The following PCDHGB6 variants were observed in gnomAD, a reference collection of about 807,000 sequenced individuals.
The protein encoded by PCDHGB6 is protocadherin gamma-B6.
PCDHGB6 carries 51 observed loss-of-function variants against 59.1 expected under a neutral mutation model. The ratio of observed to expected loss-of-function variants is 0.86; its 90% CI spans 0.69 to 1.09. The LOEUF (loss-of-function observed/expected upper bound fraction) is 1.09. PCDHGB6 is among the 50% of genes least tolerant of loss of function. The pLI is 0.00. For missense variants in PCDHGB6, 1,148 were observed against 1,205.1 expected, an observed-to-expected ratio of 0.95 and a Z score of 0.70; for synonymous variants, 466 against 495.1, an observed-to-expected ratio of 0.94 and a Z score of 0.78.
At chr5:141,510,795 G>A in intron 3 of PCDHGB6, 152 bp from the exon 4 acceptor site, 6 of 1,465,214 alleles carry the variant, frequency 4.1e-6, no homozygotes, top group Non-Finnish European at 5.5e-6. Context: ...CTTGTGAAGA[G>A]AGACTACCTT....
chr5:141,421,476 C>A, intron 1 of PCDHGB6: 2 of 1,614,158 alleles, frequency 1.2e-6, no homozygotes, highest in Non-Finnish European at 1.7e-6. Context: ...CGCGAAGCGG[C>A]AGCTTGATCA....
intron 1 of PCDHGB6, chr5:141,416,848 G>A (rs2154546681): frequency 1.3e-5 from 2 of 152,166 alleles, no homozygotes; most frequent in East Asian, 3.9e-4. Flanking sequence ...ATAATTCCAT[G>A]ATTTTTTTCA....
At chr5:141,454,941 G>A (rs2098807517) in intron 1 of PCDHGB6, among the ~76,000 whole-genome samples, 1 of 150,970 alleles carries the variant, frequency 6.6e-6, no homozygotes, top group Non-Finnish European at 1.5e-5. Flanking sequence ...CCGAGTAGCT[G>A]GGACTACAGG....
At position 141,408,715 on chromosome 5, in the gene PCDHGB6, G is replaced by T; in HGVS notation, c.513G>T (p.Lys171Asn). 3 of 1,612,078 alleles carry T rather than the reference G, an allele frequency of 1.9e-6. No homozygotes were observed. Among genetic ancestry groups the T allele is most frequent in the Non-Finnish European group, 2.5e-6 (3 of 1,178,798 alleles). The change falls in exon 1 of 4, where the codon AAG (lysine) becomes AAT (asparagine). Residue 171 changes from lysine to asparagine, a missense_variant. Physicochemically the swap from Lys to Asn is moderately conservative, Grantham distance 94. Coordinates refer to ENST00000520790, the MANE Select transcript of PCDHGB6 (RefSeq NM_018926.3). ...ACATAAACTCAATTAAAGATTATAAGATAAACTCTAATCCTTATTTTTCAT... is the reference window on the plus strand; with the variant it reads ...ACATAAACTCAATTAAAGATTATAATATAAACTCTAATCCTTATTTTTCAT... Reference protein sequence around the residue: ...DININSIKDYKINSNPYFSLM... With the variant: ...DININSIKDYNINSNPYFSLM...
In PCDHGB6 at chr5:141,512,237, G is replaced by A. The variant is rs2099884134; in HGVS notation, c.*1064G>A. ...AGGACCAGGTCCCCTTGAGAGGTCA[G>A]AGGGGCCTCTGTGGGTGCTGGGTAC... On this transcript the variant is annotated 3_prime_UTR_variant, in exon 4 of 4. Transcript: ENST00000520790. 1 of 152,774 alleles carries A rather than the reference G, an allele frequency of 6.5e-6. No homozygotes were observed. The highest frequency in any genetic ancestry group is 1.5e-5 in the Non-Finnish European group (1 of 68,148). The allele number at this position is 152,774 out of a possible 1,614,324, so 9.5% of individuals were successfully genotyped here.
rs1030000451 is a variant in PCDHGB6, at chr5:141,432,417, T to G, written c.2418+21797T>G. 2.5e-6 allele frequency: 4 copies of G among 1,614,124 alleles called. No individual in the cohort carries two copies. In the African/African-American group the frequency reaches 5.3e-5, roughly 22 times the overall value. On this transcript the variant is annotated intron_variant, in intron 1 of 3. Coordinates refer to ENST00000520790, the MANE Select transcript of PCDHGB6 (RefSeq NM_018926.3). This position sits in a 1 kb window ranked among gnomAD's most constrained non-coding sequence, Gnocchi z 6.0. The stretch of plus-strand genomic sequence containing the variant: ...AACGTGTCGTTGAGCCTGTTCGTGC[T>G]GGACCAGAACGACAATGCGCCCGAG...
In PCDHGB6 at chr5:141,486,981, A is replaced by G. The variant is rs1457098151; in HGVS notation, c.2419-7826A>G. Reference sequence around the variant, plus strand: ...GCTGTGGACTTGGATTCAGGTTACAATGCTTGGGTTTCCTATCAGCTCCTG... The same window carrying G: ...GCTGTGGACTTGGATTCAGGTTACAGTGCTTGGGTTTCCTATCAGCTCCTG... On this transcript the variant is annotated intron_variant, in intron 1 of 3. Coordinates refer to ENST00000520790, the MANE Select transcript of PCDHGB6 (RefSeq NM_018926.3). The surrounding 1 kb of genome is among the most constrained non-coding windows in gnomAD (Gnocchi z 5.0). 17 of 1,614,038 alleles carry G rather than the reference A, an allele frequency of 1.1e-5. No individual in the cohort carries two copies. The highest frequency in any genetic ancestry group is 4.0e-5 in the African/African-American group (3 of 74,922).
Position 141,485,369 on chromosome 5 carries a change from G to T in PCDHGB6, c.2419-9438G>T. On this transcript the variant is annotated intron_variant, in intron 1 of 3. Transcript: ENST00000520790. This position sits in a 1 kb window ranked among gnomAD's most constrained non-coding sequence, Gnocchi z 5.7. ...CAGTCTGTCAGCTCGCAGGCTGCAG[G>T]TCGCTGGAGAGGTGAACCAAAGACA... 1 of 1,614,154 alleles carries T rather than the reference G, an allele frequency of 6.2e-7. No individual in the cohort carries two copies. The highest frequency in any genetic ancestry group is 1.1e-5 in the South Asian group (1 of 91,088).
chr5:141,494,431 T>C (rs1403792155), intron 1 of PCDHGB6, among the ~76,000 whole-genome samples: 1 of 152,158 alleles, frequency 6.6e-6, no homozygotes, highest in Non-Finnish European at 1.5e-5. Context: ...TTGAAAAGCC[T>C]CCTTTGCCAC....
At chr5:141,415,538 G>A in intron 1 of PCDHGB6, 1 of 1,614,182 alleles carries the variant, frequency 6.2e-7, no homozygotes, top group Non-Finnish European at 8.5e-7. Flanking sequence ...AGCCAGGAGA[G>A]CTGTGAGAAA....
chr5:141,414,647 T>C (rs1369045439), intron 1 of PCDHGB6: 3 of 1,613,926 alleles, frequency 1.9e-6, no homozygotes, highest in South Asian at 2.2e-5. Flanking sequence ...AATGCCCAGA[T>C]TATTTACTCC....
Position 141,490,486 on chromosome 5 carries a change from G to A in PCDHGB6, c.2419-4321G>A, listed in dbSNP as rs1187388706. The A allele has an allele frequency of 1.2e-6, 2 of 1,614,090 alleles. No individual in the cohort carries two copies. On this transcript the variant is annotated intron_variant, in intron 1 of 3. Transcript: ENST00000520790. The surrounding 1 kb of genome is among the most constrained non-coding windows in gnomAD (Gnocchi z 5.4). ...AACCAGCCAGCCTTTGGACCGGGAG[G>A]CCACATCCCACTATATCATCGAGCT...
chr5:141,416,062 T>G, intron 1 of PCDHGB6: 1 of 176,822 alleles, frequency 5.7e-6, no homozygotes, highest in Non-Finnish European at 1.2e-5. Flanking sequence ...AATCCAAGAA[T>G]ACTCAATGCA....
chr5:141,464,913 A>AT (rs1366203949), intron 1 of PCDHGB6, among the ~76,000 whole-genome samples: 2 of 151,546 alleles, frequency 1.3e-5, no homozygotes, highest in South Asian at 4.2e-4. Flanking sequence ...TAATTTTTTT[A>AT]TTTTTTTGTA....
rs774934223 is a variant in PCDHGB6, at chr5:141,408,821, T to C, written c.619T>C (p.Ser207Pro). 1.4e-5 allele frequency: 23 copies of C among 1,613,250 alleles called. No individual in the cohort carries two copies. The highest frequency in any genetic ancestry group is 2.7e-5 in the African/African-American group (2 of 74,838). Reference protein sequence around the residue: ...EKLLDREEQRSHSLILTALDG... With the variant: ...EKLLDREEQRPHSLILTALDG... ...ACTCCTAGACCGGGAAGAACAGAGA[T>C]CTCATAGCTTGATATTGACTGCCTT... The change falls in exon 1 of 4, where the codon TCT becomes CCT. Residue 207 changes from serine (S) to proline (P), a missense_variant. Around this residue, in one of 5 missense-constraint regions of PCDHGB6, gnomAD observed 307 missense variants for 323.8 expected, o/e 0.95. Coordinates refer to ENST00000520790, the MANE Select transcript of PCDHGB6 (RefSeq NM_018926.3).
intron 1 of PCDHGB6, among the ~76,000 whole-genome samples, chr5:141,457,440 A>G (rs188608086): frequency 3.9e-5 from 6 of 152,334 alleles, no homozygotes; most frequent in Non-Finnish European, 8.8e-5. Flanking sequence ...ACCAAGCTGC[A>G]GAAGATCACC....
intron 2 of PCDHGB6, among the ~76,000 whole-genome samples, chr5:141,499,689 CTT>C (rs545067566): frequency 7.5e-5 from 9 of 119,852 alleles, no homozygotes; most frequent in African/African-American, 9.3e-5. Flanking sequence ...TAACAGATGA[CTT>C]TTTTTTTTTT....
At chr5:141,509,096 T>C (rs1364889034) in intron 3 of PCDHGB6, among the ~76,000 whole-genome samples, 1 of 152,124 alleles carries the variant, frequency 6.6e-6, no homozygotes, top group African/African-American at 2.4e-5. Context: ...ATGGGGGCTG[T>C]AGAAACCTGA....
In PCDHGB6 at chr5:141,486,936, A is replaced by G; in HGVS notation, c.2419-7871A>G. 2 of 1,614,184 alleles carry G rather than the reference A, an allele frequency of 1.2e-6. No individual in the cohort carries two copies. Among genetic ancestry groups the G allele is most frequent in the Non-Finnish European group, 1.7e-6 (2 of 1,180,030 alleles). On this transcript the variant is annotated intron_variant, in intron 1 of 3. Transcript: ENST00000520790. This position sits in a 1 kb window ranked among gnomAD's most constrained non-coding sequence, Gnocchi z 5.0. ...CTGCCTCCATCAGTTGGTGCTGGCC[A>G]CCTAATCACAAAGGTGACTGCTGTG...
Sources: gnomAD v4.1 joint callset for allele counts (sites outside exome capture counted in the v4.1 genomes callset) on GRCh38, gnomAD v4.1.1 for gene constraint, gnomAD v4.1.1 regional missense constraint, Gnocchi (gnomAD v3.1) non-coding constraint, MANE v1.5 for transcripts, NCBI Gene and HGNC (gene_info 2026-07-23, HGNC 2026-07-21) for gene names.